PMM2: variants seen among roughly 807,000 people sequenced by gnomAD.
PMM2 encodes the protein mannose-6-phosphate isomerase.
PMM2 carries 35 observed loss-of-function variants against 33.2 expected under a neutral mutation model. The observed-to-expected ratio is 1.06, with a 90% CI of 0.81 to 1.40. PMM2 has a LOEUF of 1.40. Ranked by LOEUF, PMM2 falls within the 40% of genes most tolerant of loss-of-function variation. PMM2 has a pLI of 0.00. For synonymous variants in PMM2, 153 were observed against 114.7 expected (o/e 1.33, Z -2.13); for missense variants, 386 against 306.0 (o/e 1.26, Z -1.95).
chr16:8,829,543 A>C (rs1049195867), intron 7 of PMM2, among the ~76,000 whole-genome samples: 2 of 152,214 alleles, frequency 1.3e-5, no homozygotes, highest in African/African-American at 2.4e-5. Context: ...ACTAGTCACT[A>C]TGCTCAGTGC....
At chr16:8,811,433 T>C (rs1220717631) in intron 5 of PMM2, among the ~76,000 whole-genome samples, 1 of 152,178 alleles carries the variant, frequency 6.6e-6, no homozygotes, top group East Asian at 1.9e-4. Context: ...GGTAAGAGGA[T>C]CACTTGTGCC....
At chr16:8,834,772 C>T (rs1045883026) in intron 7 of PMM2, among the ~76,000 whole-genome samples, 2 of 152,042 alleles carry the variant, frequency 1.3e-5, no homozygotes, top group Admixed American at 1.3e-4. Flanking sequence ...CCTGGTGGAA[C>T]CGCCATCAAT....
chr16:8,822,674 G>GGGAT (rs1436598911), intron 7 of PMM2, among the ~76,000 whole-genome samples: 1 of 152,146 alleles, frequency 6.6e-6, no homozygotes, highest in Non-Finnish European at 1.5e-5. Flanking sequence ...TTCATACTGT[G>GGGAT]GGATATGAAG....
At chr16:8,836,043 TAA>T (rs1567167662) in intron 7 of PMM2, among the ~76,000 whole-genome samples, 3 of 150,384 alleles carry the variant, frequency 2.0e-5, no homozygotes, top group African/African-American at 7.3e-5. Context: ...CTTAAAAGAG[TAA>T]TGTCTAAATT....
intron 7 of PMM2, among the ~76,000 whole-genome samples, chr16:8,847,052 T>C (rs913798588): frequency 6.6e-6 from 1 of 152,016 alleles, no homozygotes; most frequent in Non-Finnish European, 1.5e-5. Flanking sequence ...TAAGTAGAAA[T>C]GGAGTTTTGC....
intron 7 of PMM2, among the ~76,000 whole-genome samples, chr16:8,834,174 G>C (rs1467857920): frequency 6.6e-6 from 1 of 152,224 alleles, no homozygotes; most frequent in Admixed American, 6.5e-5. Context: ...AGAAGGGAAA[G>C]TGGTAAAAGT....
At chr16:8,844,088 T>G (rs1049612006) in intron 7 of PMM2, among the ~76,000 whole-genome samples, 1 of 152,158 alleles carries the variant, frequency 6.6e-6, no homozygotes, top group South Asian at 2.1e-4. Flanking sequence ...ATTTAGATCT[T>G]GCAGGATGGA....
intron 5 of PMM2, 121 bp from the exon 6 acceptor site, chr16:8,811,517 T>C (rs899948060): frequency 1.1e-5 from 8 of 736,990 alleles, no homozygotes; most frequent in Admixed American, 2.1e-5. Context: ...AAGACCCCCA[T>C]CTCAAAAACT....
chr16:8,817,025 T>A (rs934923938), intron 7 of PMM2, among the ~76,000 whole-genome samples: 5 of 152,172 alleles, frequency 3.3e-5, no homozygotes, highest in Admixed American at 3.3e-4. Flanking sequence ...TTCAAGCAAT[T>A]GTCCCGCTTC....
At chr16:8,844,560 T>G (rs1009521395) in intron 7 of PMM2, among the ~76,000 whole-genome samples, 15 of 152,266 alleles carry the variant, frequency 9.9e-5, no homozygotes, top group South Asian at 2.1e-4. Flanking sequence ...TCCTTGCCCC[T>G]TCCTCAGAAA....
At chr16:8,814,032 G>T (rs1286924113) in intron 7 of PMM2, among the ~76,000 whole-genome samples, 1 of 151,818 alleles carries the variant, frequency 6.6e-6, no homozygotes, top group Non-Finnish European at 1.5e-5. Flanking sequence ...ACACCTGGCT[G>T]ATTTTTGTGT....
At chr16:8,827,712 A>ATG (rs1449027137) in intron 7 of PMM2, among the ~76,000 whole-genome samples, 2 of 106,802 alleles carry the variant, frequency 1.9e-5, no homozygotes, top group Admixed American at 1.2e-4. Flanking sequence ...GGCCTTTTAA[A>ATG]TGTGTGCATA....
intron 2 of PMM2, among the ~76,000 whole-genome samples, chr16:8,802,804 T>C (rs893649867): frequency 6.7e-6 from 1 of 148,288 alleles, no homozygotes; most frequent in Non-Finnish European, 1.5e-5. Context: ...CACTCCAGCC[T>C]GGGCAATAAG....
At chr16:8,831,008 G>A (rs1293315960) in intron 7 of PMM2, among the ~76,000 whole-genome samples, 1 of 152,094 alleles carries the variant, frequency 6.6e-6, no homozygotes, top group African/African-American at 2.4e-5. Flanking sequence ...GTGTGGTGGT[G>A]CACACCTGTA....
intron 2 of PMM2, chr16:8,802,390 G>T (rs748284889): frequency 1.9e-5 from 8 of 424,246 alleles, no homozygotes; most frequent in Non-Finnish European, 2.3e-5. Context: ...TCCTATTTCA[G>T]TGAGTACCTC....
At chr16:8,837,018 G>A (rs1484546965) in intron 7 of PMM2, among the ~76,000 whole-genome samples, 1 of 152,048 alleles carries the variant, frequency 6.6e-6, no homozygotes, top group South Asian at 2.1e-4. Context: ...TAGGGTGGAG[G>A]AGCGGAGGCT....
At chr16:8,798,134 C>T (rs555367962) in intron 1 of PMM2, among the ~76,000 whole-genome samples, 186 bp downstream of exon 1, 41 of 152,224 alleles carry the variant, frequency 2.7e-4, no homozygotes, top group Non-Finnish European at 4.9e-4. Flanking sequence ...TCTTGAAGAG[C>T]TCTGGTGCTT....
intron 7 of PMM2, among the ~76,000 whole-genome samples, chr16:8,837,884 G>A (rs571332615): frequency 1.3e-5 from 2 of 152,048 alleles, no homozygotes; most frequent in Admixed American, 1.3e-4. Context: ...GACCGGCGCC[G>A]GAGTTTTGAG....
At chr16:8,811,301 A>G (rs1026168944) in intron 5 of PMM2, 123 bp downstream of exon 5, 3 of 746,400 alleles carry the variant, frequency 4.0e-6, no homozygotes, top group East Asian at 5.4e-5. Context: ...GGATCACTTG[A>G]GCCCAGGAGT....
Sources: allele counts gnomAD v4.1 joint callset (sites outside exome capture counted in the v4.1 genomes callset), GRCh38; gene constraint gnomAD v4.1.1; transcripts MANE v1.5; gene names NCBI Gene and HGNC (gene_info 2026-07-23, HGNC 2026-07-21).